CDC42BPA: variants seen among roughly 807,000 people sequenced by gnomAD.
CDC42BPA encodes the protein CDC42 binding protein kinase alpha.
Under a neutral mutation model 223.5 loss-of-function variants are expected in CDC42BPA, and 80 were observed. The ratio of observed to expected loss-of-function variants is 0.36; its 90% confidence interval spans 0.30 to 0.43. The LOEUF is 0.43. CDC42BPA is among the 20% of genes least tolerant of loss of function. CDC42BPA has a pLI of 1.00. For missense variants in CDC42BPA, 1,743 were observed against 2,099.9 expected, an observed-to-expected ratio of 0.83 and a Z score of 3.32; for synonymous variants, 694 against 718.6, an observed-to-expected ratio of 0.97 and a Z score of 0.55.
intron 21 of CDC42BPA, among the ~76,000 whole-genome samples, chr1:227,057,376 A>T (rs1572530378): frequency 6.8e-6 from 1 of 147,416 alleles, no homozygotes; most frequent in African/African-American, 2.5e-5. Context: ...TTAATTTTAA[A>T]TTTATTAAAA....
At chr1:227,307,021 C>A (rs574448013) in intron 1 of CDC42BPA, among the ~76,000 whole-genome samples, 1 of 152,174 alleles carries the variant, frequency 6.6e-6, no homozygotes, top group Non-Finnish European at 1.5e-5. Context: ...TTCTATTTCA[C>A]AGCCATGACA....
chr1:227,297,209 G>A (rs933949617), intron 1 of CDC42BPA, among the ~76,000 whole-genome samples: 6 of 152,140 alleles, frequency 3.9e-5, no homozygotes, highest in African/African-American at 1.4e-4. Context: ...TAATTATTAA[G>A]GAAGTAGATC....
intron 17 of CDC42BPA, among the ~76,000 whole-genome samples, chr1:227,078,886 T>C (rs1558446315): frequency 1.3e-5 from 2 of 152,148 alleles, no homozygotes; most frequent in Non-Finnish European, 2.9e-5. Context: ...ACTTTTTGAG[T>C]ACTGACAAGA....
intron 10 of CDC42BPA, among the ~76,000 whole-genome samples, chr1:227,135,056 A>G (rs1218474861): frequency 6.6e-6 from 1 of 152,216 alleles, no homozygotes; most frequent in Admixed American, 6.5e-5. Flanking sequence ...TCTGAGGTGA[A>G]GAGGCTATTA....
intron 2 of CDC42BPA, among the ~76,000 whole-genome samples, chr1:227,232,795 C>T (rs527616138): frequency 2.6e-5 from 4 of 152,286 alleles, no homozygotes; most frequent in Admixed American, 6.5e-5. Flanking sequence ...GAGGGAAACC[C>T]GGCTGTATGA....
In CDC42BPA at chr1:227,033,401, G is replaced by A; in HGVS notation, c.3491C>T (p.Ser1164Phe). The A allele has an allele frequency of 1.2e-6, 2 of 1,613,086 alleles. No individual in the cohort carries two copies. The highest frequency in any genetic ancestry group is 1.7e-6 in the Non-Finnish European group (2 of 1,179,138). Residue 1164 changes from serine to phenylalanine, a missense_variant, in exon 27 of 37, where the codon TCT (serine) becomes TTT (phenylalanine). This residue lies in a region of CDC42BPA where 678 missense variants were observed against 777.5 expected (regional missense o/e 0.87). Transcript: ENST00000366766. Reference sequence around the variant, plus strand: ...ATCAGAAGCCAAGACTGAACTCACAGAAAATTCTTCATCCCTGAACGAAAA... The same window carrying A: ...ATCAGAAGCCAAGACTGAACTCACAAAAAATTCTTCATCCCTGAACGAAAA... Reference protein sequence around the residue: ...QVIDMRDEEFSVSSVLASDVI... With the variant: ...QVIDMRDEEFFVSSVLASDVI...
chr1:227,103,347 A>T (rs1312493143), intron 14 of CDC42BPA, among the ~76,000 whole-genome samples: 8 of 152,062 alleles, frequency 5.3e-5, no homozygotes, highest in Admixed American at 3.9e-4. Context: ...ACATAACAAA[A>T]ATTTCATTGT....
Position 227,238,048 on chromosome 1 carries a change from A to G in CDC42BPA, c.270+16016T>C, listed in dbSNP as rs562337736. The stretch of plus-strand genomic sequence containing the variant: ...AGCAAAACTCTGTCTCAAAAAAAAA[A>G]AAAAAAAAAAAGTTTTATTTCTAGC... On this transcript the variant is annotated intron_variant, in intron 2 of 36. Coordinates refer to ENST00000366766, the MANE Select transcript of CDC42BPA (RefSeq NM_001394014.1). Among the ~76,000 whole-genome samples, 93 of 151,408 alleles carry G rather than the reference A, an allele frequency of 6.1e-4. 1 individual carries two copies. The highest frequency in any genetic ancestry group is 2.1e-3 in the African/African-American group (87 of 41,274).
chr1:227,301,164 G>A (rs1332623017), intron 1 of CDC42BPA, among the ~76,000 whole-genome samples: 1 of 152,138 alleles, frequency 6.6e-6, no homozygotes, highest in Admixed American at 6.5e-5. Context: ...ACTATAAATT[G>A]CCATCATAAG....
chr1:227,130,471 G>C (rs966683717), intron 10 of CDC42BPA, among the ~76,000 whole-genome samples: 2 of 151,788 alleles, frequency 1.3e-5, no homozygotes, highest in Admixed American at 1.3e-4. Context: ...GGTCCTTTCC[G>C]TATTTATTAT....
chr1:227,204,932 T>C (rs893719271), intron 3 of CDC42BPA, among the ~76,000 whole-genome samples: 1 of 148,616 alleles, frequency 6.7e-6, no homozygotes, highest in African/African-American at 2.4e-5. Flanking sequence ...TAAATTCCCA[T>C]AAACTTAAAA....
At position 227,166,252 on chromosome 1, in the gene CDC42BPA, T is replaced by C. The variant is rs369697058; in HGVS notation, c.600-5616A>G. ...CTATTTGGGCAGACGGAAACTCTCC[T>C]AACCTTCGAAATAACGAGGCCTCAG... On this transcript the variant is annotated intron_variant, in intron 5 of 36. Transcript: ENST00000366766. Among the ~76,000 whole-genome samples the C allele has an allele frequency of 6.6e-5, 10 of 152,340 alleles. No individual in the cohort carries two copies. The South Asian group carries it at 1.2e-3, about 19-fold the overall frequency.
intron 5 of CDC42BPA, among the ~76,000 whole-genome samples, chr1:227,172,200 G>C (rs1666218275): frequency 6.6e-6 from 1 of 152,134 alleles, no homozygotes; most frequent in African/African-American, 2.4e-5. Flanking sequence ...TCAGAAATTA[G>C]AATTCTTTAT....
intron 3 of CDC42BPA, among the ~76,000 whole-genome samples, chr1:227,210,402 C>T (rs1673668657): frequency 6.6e-6 from 1 of 152,072 alleles, no homozygotes; most frequent in African/African-American, 2.4e-5. Context: ...TTCTCTCTAC[C>T]TTTTGGGTTC....
At chr1:227,292,988 T>A (rs1689955017) in intron 1 of CDC42BPA, among the ~76,000 whole-genome samples, 1 of 152,224 alleles carries the variant, frequency 6.6e-6, no homozygotes, top group Admixed American at 6.5e-5. Flanking sequence ...TGCAAAATTG[T>A]ATCTAAAGTT....
chr1:227,159,745 C>CA lies in CDC42BPA; in HGVS notation c.693+797dup, dbSNP rs1483354039. ...ATCACTATGTTGCTTAAGCTGGTCTCAAACTCCTGGACTCAAGTGATCCTC... is the reference window on the plus strand; with the variant it reads ...ATCACTATGTTGCTTAAGCTGGTCTCAAAACTCCTGGACTCAAGTGATCCTC... On this transcript the variant is annotated intron_variant, in intron 6 of 36. Transcript: ENST00000366766. Among the ~76,000 whole-genome samples the CA allele has an allele frequency of 2.6e-5, 4 of 151,924 alleles. No individual in the cohort carries two copies. In the East Asian group the frequency reaches 7.8e-4, roughly 29 times the overall value.
intron 11 of CDC42BPA, among the ~76,000 whole-genome samples, chr1:227,125,831 T>C (rs1370205492): frequency 6.6e-6 from 1 of 152,150 alleles, no homozygotes; most frequent in African/African-American, 2.4e-5. Context: ...TTCAAATCCA[T>C]GTTGCTCAAG....
chr1:227,179,783 A>G (rs1572174580), intron 5 of CDC42BPA, among the ~76,000 whole-genome samples: 1 of 2,288 alleles, frequency 4.4e-4, no homozygotes, highest in South Asian at 8.2e-3. Context: ...AAAAAGTTTG[A>G]AAAAAAAAAA....
At chr1:227,315,581 A>C (rs1694242148) in intron 1 of CDC42BPA, among the ~76,000 whole-genome samples, 1 of 152,016 alleles carries the variant, frequency 6.6e-6, no homozygotes, top group Non-Finnish European at 1.5e-5. Flanking sequence ...TAAGTCTTAA[A>C]AAAAAAAATT....
Sources: allele counts gnomAD v4.1 joint callset (sites outside exome capture counted in the v4.1 genomes callset), GRCh38; gene constraint gnomAD v4.1.1; regional missense constraint gnomAD v4.1.1; transcripts MANE v1.5; gene names NCBI Gene and HGNC (gene_info 2026-07-23, HGNC 2026-07-21).